Variants in SUPT3H observed in about 807,000 individuals in gnomAD.
SUPT3H encodes the protein SPT3 homolog, SAGA and STAGA complex component.
A neutral mutation model predicts 44.3 loss-of-function variants in SUPT3H; 44 were observed. The ratio of observed to expected loss-of-function variants is 0.99; its 90% confidence interval spans 0.78 to 1.28. The LOEUF (loss-of-function observed/expected upper bound fraction) is 1.28. Ranked by LOEUF, SUPT3H falls within the 50% of genes most tolerant of loss-of-function variation. The pLI is 0.00. For missense variants in SUPT3H, 380 were observed against 387.1 expected, an observed-to-expected ratio of 0.98 and a Z score of 0.15; for synonymous variants, 124 against 125.6, an observed-to-expected ratio of 0.99 and a Z score of 0.09.
At chr6:45,314,822 A>G (rs992055227) in intron 2 of SUPT3H, among the ~76,000 whole-genome samples, 4 of 152,296 alleles carry the variant, frequency 2.6e-5, no homozygotes, top group Non-Finnish European at 5.9e-5. Flanking sequence ...AAGAGCCCAC[A>G]TAGCCAAAGC....
rs57864178 is a variant in SUPT3H at position 44,912,019 on chromosome 6, C to T, written c.912+20634G>A. Among the ~76,000 whole-genome samples, 596 of 152,280 alleles carry T rather than the reference C, an allele frequency of 3.9e-3. 7 individuals are homozygous for T. Among genetic ancestry groups the T allele is most frequent in the African/African-American group, 0.014 (567 of 41,546 alleles). On this transcript the variant is annotated intron_variant, in intron 10 of 10. Transcript: ENST00000371459. ...CTCTTACTTAAGCAGTGTCTGTCTA[C>T]GAAGTCATGGCAGCACAATCCACAG...
chr6:45,043,147 A>ACG (rs1788826712), intron 3 of SUPT3H, among the ~76,000 whole-genome samples: 1 of 148,158 alleles, frequency 6.7e-6, no homozygotes, highest in Non-Finnish European at 1.5e-5. Context: ...ACACATACAC[A>ACG]CACACACACA....
intron 2 of SUPT3H, among the ~76,000 whole-genome samples, chr6:45,106,537 ATTTTT>A (rs199521130): frequency 6.6e-6 from 1 of 151,076 alleles, no homozygotes; most frequent in Non-Finnish European, 1.5e-5. Context: ...TACAGTTTTT[ATTTTT>A]TTTATTTTTT....
chr6:44,817,139 C>CAT (rs112772110), intron 11 of SUPT3H, among the ~76,000 whole-genome samples: 6 of 150,730 alleles, frequency 4.0e-5, no homozygotes, highest in African/African-American at 1.2e-4. Context: ...CCCACACACA[C>CAT]GGAGGTTAAT....
At chr6:44,883,377 G>A (rs1778580555) in intron 10 of SUPT3H, among the ~76,000 whole-genome samples, 1 of 152,066 alleles carries the variant, frequency 6.6e-6, no homozygotes, top group African/African-American at 2.4e-5. Flanking sequence ...AATAAGAGAG[G>A]ACACAAACAA....
At chr6:45,046,328 T>TTTTGTTTG (rs907707659) in intron 3 of SUPT3H, among the ~76,000 whole-genome samples, 1 of 152,106 alleles carries the variant, frequency 6.6e-6, no homozygotes, top group Non-Finnish European at 1.5e-5. Context: ...GCTTGTTTTT[T>TTTTGTTTG]TTTGTTTGTT....
intron 5 of SUPT3H, among the ~76,000 whole-genome samples, chr6:45,004,283 AT>A (rs1343418646): frequency 1.3e-5 from 2 of 152,092 alleles, no homozygotes; most frequent in Admixed American, 1.3e-4. Flanking sequence ...AATAAAAGGA[AT>A]TTTAAACGGC....
intron 2 of SUPT3H, among the ~76,000 whole-genome samples, chr6:45,273,021 TG>T (rs1776450799): frequency 6.6e-6 from 1 of 152,230 alleles, no homozygotes; most frequent in African/African-American, 2.4e-5. Context: ...AGAAATGCTT[TG>T]AGATCTTGAG....
intron 1 of SUPT3H, among the ~76,000 whole-genome samples, chr6:45,371,115 A>C (rs186622972): frequency 7.3e-4 from 111 of 152,306 alleles, no homozygotes; most frequent in African/African-American, 2.6e-3. Flanking sequence ...GGCAGCAATT[A>C]TACTCCTAAC....
intron 2 of SUPT3H, among the ~76,000 whole-genome samples, chr6:45,182,589 T>C (rs556985427): frequency 6.6e-6 from 1 of 152,340 alleles, no homozygotes; most frequent in East Asian, 1.9e-4. Context: ...TACACTTTTT[T>C]AGAGCAGTTT....
At chr6:45,265,702 A>G (rs1255333148) in intron 2 of SUPT3H, among the ~76,000 whole-genome samples, 1 of 152,058 alleles carries the variant, frequency 6.6e-6, no homozygotes, top group Non-Finnish European at 1.5e-5. Context: ...ACAGTATTAC[A>G]TGGCCAAGAA....
chr6:45,284,764 T>C (rs1226590895), intron 2 of SUPT3H, among the ~76,000 whole-genome samples: 1 of 152,174 alleles, frequency 6.6e-6, no homozygotes, highest in Admixed American at 6.5e-5. Context: ...ATCATCCTGA[T>C]ACCAAAGACT....
chr6:45,331,333 G>C (rs1787467913), intron 2 of SUPT3H, among the ~76,000 whole-genome samples: 1 of 151,948 alleles, frequency 6.6e-6, no homozygotes, highest in African/African-American at 2.4e-5. Context: ...TCAGCTGACT[G>C]ATTATCTACA....
At chr6:45,062,033 T>C (rs577068364) in intron 3 of SUPT3H, among the ~76,000 whole-genome samples, 2 of 151,788 alleles carry the variant, frequency 1.3e-5, no homozygotes, top group South Asian at 4.2e-4. Flanking sequence ...ATTTTCTTGA[T>C]ATTAGACATT....
rs1583567969 is a variant in SUPT3H at position 45,105,974 on chromosome 6, T to C, written c.134A>G (p.His45Arg). Residue 45 changes from histidine (H) to arginine (R), a missense_variant, in exon 3 of 11, where the codon CAT (histidine) becomes CGT (arginine). By Grantham distance (29) the His-to-Arg change is conservative. Coordinates refer to ENST00000371459, the MANE Select transcript of SUPT3H (RefSeq NM_003599.4). The stretch of plus-strand genomic sequence containing the variant: ...ATCTTCTACCAAAACTGCTGTTTCA[T>C]GAAGAGGCCTTCTAGCATCACCTAA... ...YSLGDARRPL[H>R]ETAVLVEDVV... 1.9e-6 allele frequency: 3 copies of C among 1,613,850 alleles called. No homozygotes were observed. Among genetic ancestry groups the C allele is most frequent in the Non-Finnish European group, 2.5e-6 (3 of 1,179,880 alleles).
chr6:45,351,538 C>G (rs1165533352), intron 2 of SUPT3H, among the ~76,000 whole-genome samples: 1 of 152,128 alleles, frequency 6.6e-6, no homozygotes, highest in Non-Finnish European at 1.5e-5. Flanking sequence ...AAGAAGACTT[C>G]CAGGACGATG....
intron 10 of SUPT3H, among the ~76,000 whole-genome samples, chr6:44,912,182 A>G (rs1767152304): frequency 6.6e-6 from 1 of 152,206 alleles, no homozygotes; most frequent in South Asian, 2.1e-4. Context: ...TACAAGCATC[A>G]TCATCTACTT....
Position 45,365,190 on chromosome 6 carries a change from G to A in SUPT3H, c.101+11C>T, listed in dbSNP as rs1205820137. On this transcript the variant is annotated intron_variant, in intron 2 of 10. Coordinates refer to ENST00000371459, the MANE Select transcript of SUPT3H (RefSeq NM_003599.4). ...AATAGTAATAGCAATAGCATGCAGG[G>A]ACATACTTACATCATACTCTGTAAT... The A allele has an allele frequency of 6.6e-7, 1 of 1,523,736 alleles. No homozygotes were observed. Among genetic ancestry groups the A allele is most frequent in the East Asian group, 2.3e-5 (1 of 44,146 alleles). 94.4% of individuals were successfully genotyped at this position (1,523,736 alleles called of 1,614,324 possible).
chr6:44,809,239 C>G (rs1186301508), downstream of SUPT3H: 2 of 152,230 alleles, frequency 1.3e-5, no homozygotes, highest in African/African-American at 2.4e-5. Context: ...CACTGTAAGG[C>G]ACTGTGTGAT....
Sources: allele counts gnomAD v4.1 joint callset (sites outside exome capture counted in the v4.1 genomes callset), GRCh38; gene constraint gnomAD v4.1.1; transcripts MANE v1.5; gene names NCBI Gene and HGNC (gene_info 2026-07-23, HGNC 2026-07-21).